Variants in ST6GALNAC3 observed in about 807,000 individuals in gnomAD.
ST6GALNAC3 encodes the protein alpha-N-acetylgalactosaminide alpha-2,6-sialyltransferase 3.
Under a neutral mutation model 32.7 loss-of-function variants are expected in ST6GALNAC3, and 25 were observed. The ratio of observed to expected loss-of-function variants is 0.76; its 90% CI spans 0.56 to 1.07. The LOEUF (loss-of-function observed/expected upper bound fraction) is 1.07. ST6GALNAC3 is among the 50% of genes least tolerant of loss of function. The probability of loss-of-function intolerance (pLI) is 0.00; values close to 1 mark genes in which losing one functional copy is unlikely to be tolerated. For synonymous variants in ST6GALNAC3, 129 were observed against 133.1 expected (o/e 0.97, Z 0.21); for missense variants, 355 against 382.4 (o/e 0.93, Z 0.60).
intron 1 of ST6GALNAC3, among the ~76,000 whole-genome samples, chr1:76,273,980 T>C (rs1361245417): frequency 6.6e-6 from 1 of 152,162 alleles, no homozygotes; most frequent in Non-Finnish European, 1.5e-5. Flanking sequence ...GTCCCATTTA[T>C]CACAGAAACT....
At chr1:76,220,958 G>T (rs1655734409) in intron 1 of ST6GALNAC3, among the ~76,000 whole-genome samples, 2 of 152,206 alleles carry the variant, frequency 1.3e-5, no homozygotes, top group South Asian at 2.1e-4. Flanking sequence ...TCACATAGGT[G>T]GTCCTGCCCT....
At chr1:76,185,314 C>T (rs1446602880) in intron 1 of ST6GALNAC3, among the ~76,000 whole-genome samples, 2 of 152,258 alleles carry the variant, frequency 1.3e-5, no homozygotes, top group Non-Finnish European at 2.9e-5. Flanking sequence ...GACTTGGTCC[C>T]TGCTTGGAGA....
chr1:76,319,524 GCA>G (rs1000702015), intron 2 of ST6GALNAC3, among the ~76,000 whole-genome samples: 1 of 152,044 alleles, frequency 6.6e-6, no homozygotes, highest in Non-Finnish European at 1.5e-5. Flanking sequence ...GGTGATAAAA[GCA>G]CACACTCCAC....
At chr1:76,158,949 G>T (rs961661740) in intron 1 of ST6GALNAC3, among the ~76,000 whole-genome samples, 1 of 152,174 alleles carries the variant, frequency 6.6e-6, no homozygotes, top group Non-Finnish European at 1.5e-5. Context: ...ACTGAGCCAG[G>T]ATCCCCACTC....
At position 76,633,494 on chromosome 1, in the gene ST6GALNAC3, T is replaced by G. The variant is rs1649397129; in HGVS notation, c.*4688T>G. ...TGTTTAAAGAACTTAAAGGTCAGTT[T>G]CTTAGTTTCTCTTTGTGATTGAGGA... On this transcript the variant is annotated 3_prime_UTR_variant, in exon 5 of 5. Coordinates refer to ENST00000328299, the MANE Select transcript of ST6GALNAC3 (RefSeq NM_152996.4). 1 of 152,224 alleles carries G rather than the reference T, an allele frequency of 6.6e-6. No individual in the cohort carries two copies. Among genetic ancestry groups the G allele is most frequent in the Non-Finnish European group, 1.5e-5 (1 of 68,042 alleles). 9.4% of individuals were successfully genotyped at this position (152,224 alleles called of 1,614,324 possible).
At chr1:76,208,070 G>C (rs375899070) in intron 1 of ST6GALNAC3, among the ~76,000 whole-genome samples, 1 of 140,846 alleles carries the variant, frequency 7.1e-6, no homozygotes, top group East Asian at 2.0e-4. Context: ...AGTTCACCCA[G>C]AACCCATGCT....
chr1:76,548,231 CTT>C (rs1664413976), intron 3 of ST6GALNAC3, among the ~76,000 whole-genome samples: 1 of 152,184 alleles, frequency 6.6e-6, no homozygotes, highest in South Asian at 2.1e-4. Flanking sequence ...TTCCTCTCAA[CTT>C]AAATGTCCCC....
At chr1:76,113,223 C>G (rs1198281390) in intron 1 of ST6GALNAC3, among the ~76,000 whole-genome samples, 1 of 151,956 alleles carries the variant, frequency 6.6e-6, no homozygotes, top group Non-Finnish European at 1.5e-5. Flanking sequence ...CCTGCAATCG[C>G]AGGCACTCGG....
intron 1 of ST6GALNAC3, among the ~76,000 whole-genome samples, chr1:76,233,060 G>T (rs1656459274): frequency 1.3e-5 from 2 of 152,162 alleles, no homozygotes; most frequent in Admixed American, 6.5e-5. Context: ...AGTCTCTAAA[G>T]GGACTGGAAG....
chr1:76,269,564 C>T (rs1472836611), intron 1 of ST6GALNAC3, among the ~76,000 whole-genome samples: 1 of 152,180 alleles, frequency 6.6e-6, no homozygotes, highest in Non-Finnish European at 1.5e-5. Flanking sequence ...ACCTGGAAAA[C>T]ATATTTGGGT....
chr1:76,516,724 G>A (rs1413257133), intron 3 of ST6GALNAC3, among the ~76,000 whole-genome samples: 1 of 152,012 alleles, frequency 6.6e-6, no homozygotes, highest in Non-Finnish European at 1.5e-5. Flanking sequence ...CTGCTAGTGA[G>A]TTAACAAACA....
At position 76,613,952 on chromosome 1, in the gene ST6GALNAC3, TCTC is replaced by T. The variant is rs374321885; in HGVS notation, c.624-13497_624-13495del. Among the ~76,000 whole-genome samples, 23 of 152,350 alleles carry T rather than the reference TCTC, an allele frequency of 1.5e-4. No individual in the cohort carries two copies. The East Asian group carries it at 4.0e-3, about 27-fold the overall frequency. ...GGTGATTTGGGTTGGATTCCTGACATCTCCTTGGTATATCCTTAGACACATCAT... is the reference window on the plus strand; with the variant it reads ...GGTGATTTGGGTTGGATTCCTGACATCTTGGTATATCCTTAGACACATCAT... On this transcript the variant is annotated intron_variant, in intron 3 of 4. Coordinates refer to ENST00000328299, the MANE Select transcript of ST6GALNAC3 (RefSeq NM_152996.4).
chr1:76,148,940 C>A (rs115399239), intron 1 of ST6GALNAC3, among the ~76,000 whole-genome samples: 41 of 152,338 alleles, frequency 2.7e-4, no homozygotes, highest in Non-Finnish European at 2.8e-4. Context: ...CTCAGATTCT[C>A]CTATTTACTC....
chr1:76,346,568 G>A (rs528600544), intron 2 of ST6GALNAC3, among the ~76,000 whole-genome samples: 2 of 152,326 alleles, frequency 1.3e-5, no homozygotes, highest in Non-Finnish European at 2.9e-5. Context: ...CATGGCTAAA[G>A]CTTGACCTGT....
chr1:76,241,239 T>C (rs1557720179), intron 1 of ST6GALNAC3, among the ~76,000 whole-genome samples: 2 of 152,190 alleles, frequency 1.3e-5, no homozygotes, highest in African/African-American at 4.8e-5. Flanking sequence ...TAAAGGAATA[T>C]ATAAAATAGG....
chr1:76,301,789 G>A (rs577411853), intron 1 of ST6GALNAC3, among the ~76,000 whole-genome samples: 1 of 151,870 alleles, frequency 6.6e-6, no homozygotes, highest in East Asian at 1.9e-4. Flanking sequence ...AAGTGGGTGG[G>A]ATATGCCTGC....
intron 1 of ST6GALNAC3, chr1:76,142,925 CT>C: frequency 2.3e-6 from 1 of 440,586 alleles, no homozygotes; most frequent in Non-Finnish European, 4.5e-6. Flanking sequence ...CACACCGTAT[CT>C]TTTATGTCTT....
chr1:76,288,382 G>T (rs1277052443), intron 1 of ST6GALNAC3, among the ~76,000 whole-genome samples: 1 of 152,150 alleles, frequency 6.6e-6, no homozygotes, highest in Non-Finnish European at 1.5e-5. Context: ...ACACATTCTA[G>T]ACAGCAAACT....
intron 1 of ST6GALNAC3, among the ~76,000 whole-genome samples, chr1:76,280,694 A>T (rs993087934): frequency 2.6e-5 from 4 of 152,246 alleles, no homozygotes; most frequent in African/African-American, 9.6e-5. Context: ...TGTGCATGGT[A>T]TGCTACAAAG....
Sources: gnomAD v4.1 joint callset for allele counts (sites outside exome capture counted in the v4.1 genomes callset) on GRCh38, gnomAD v4.1.1 for gene constraint, MANE v1.5 for transcripts, NCBI Gene and HGNC (gene_info 2026-07-23, HGNC 2026-07-21) for gene names.